Variants in CNBD1 observed in about 807,000 individuals in gnomAD.
CNBD1 encodes the protein cyclic nucleotide binding domain containing 1, also known as cyclic nucleotide-binding domain-containing protein 1.
In CNBD1, 71 loss-of-function variants were observed where a neutral mutation model predicts 54.4. That is an observed-to-expected ratio of 1.30 (90% confidence interval 1.08 to 1.59). CNBD1 has a LOEUF of 1.59. Ranked by LOEUF, CNBD1 falls within the 40% of genes most tolerant of loss-of-function variation. The pLI is 0.00. For missense variants in CNBD1, 659 were observed against 518.0 expected, an observed-to-expected ratio of 1.27 and a Z score of -2.64; for synonymous variants, 182 against 170.7, an observed-to-expected ratio of 1.07 and a Z score of -0.51.
At chr8:87,114,323 G>A (rs1811727630) in intron 4 of CNBD1, among the ~76,000 whole-genome samples, 1 of 152,004 alleles carries the variant, frequency 6.6e-6, no homozygotes, top group South Asian at 2.1e-4. Context: ...CTCTTCTTTT[G>A]TTGTCATTTC....
At chr8:87,194,127 T>A (rs1468474090) in intron 4 of CNBD1, among the ~76,000 whole-genome samples, 3 of 152,194 alleles carry the variant, frequency 2.0e-5, no homozygotes, top group South Asian at 2.1e-4. Context: ...CTTATGAGAA[T>A]CTAATGATTA....
chr8:87,264,199 C>A (rs930043027), intron 6 of CNBD1, among the ~76,000 whole-genome samples: 2 of 151,974 alleles, frequency 1.3e-5, no homozygotes, highest in African/African-American at 4.8e-5. Flanking sequence ...TTCCTGTGTC[C>A]ATGTGTTCTC....
intron 2 of CNBD1, among the ~76,000 whole-genome samples, chr8:87,399,338 G>A (rs1422894937): frequency 6.6e-6 from 1 of 152,024 alleles, no homozygotes; most frequent in African/African-American, 2.4e-5. Flanking sequence ...CAATAGGAAT[G>A]ATTTAGGGTC....
At chr8:87,117,180 C>G (rs370997041) in intron 4 of CNBD1, among the ~76,000 whole-genome samples, 1 of 151,902 alleles carries the variant, frequency 6.6e-6, no homozygotes, top group African/African-American at 2.4e-5. Context: ...GGGTGGATCA[C>G]GAAGTCAGGA....
intron 6 of CNBD1, among the ~76,000 whole-genome samples, chr8:87,243,321 CA>C (rs2130831888): frequency 6.6e-6 from 1 of 152,314 alleles, no homozygotes; most frequent in African/African-American, 2.4e-5. Flanking sequence ...TTGTTTCAAA[CA>C]AGAACATATT....
At chr8:86,977,367 C>T (rs904440178) in intron 4 of CNBD1, among the ~76,000 whole-genome samples, 2 of 152,122 alleles carry the variant, frequency 1.3e-5, no homozygotes, top group Non-Finnish European at 2.9e-5. Flanking sequence ...CCATAAGTCT[C>T]TTTCCTGTTT....
intron 4 of CNBD1, among the ~76,000 whole-genome samples, chr8:86,989,340 G>C (rs148644601): frequency 1.6e-4 from 13 of 81,914 alleles, no homozygotes; most frequent in South Asian, 1.3e-3. Flanking sequence ...TACATACATA[G>C]GTATGCAGAT....
At chr8:86,989,552 G>A (rs1808694267) in intron 4 of CNBD1, among the ~76,000 whole-genome samples, 1 of 152,126 alleles carries the variant, frequency 6.6e-6, no homozygotes, top group Non-Finnish European at 1.5e-5. Flanking sequence ...CCAGGTTCAA[G>A]TGATTCTCCT....
At chr8:87,178,514 G>C (rs1254158478) in intron 4 of CNBD1, among the ~76,000 whole-genome samples, 1 of 152,214 alleles carries the variant, frequency 6.6e-6, no homozygotes, top group African/African-American at 2.4e-5. Context: ...ATGGAAAAGT[G>C]GGAAAGCTTT....
chr8:86,927,182 T>C lies in CNBD1; in HGVS notation c.273-12414T>C, dbSNP rs576098368. Among the ~76,000 whole-genome samples the C allele has an allele frequency of 3.3e-5, 5 of 152,266 alleles. No individual in the cohort carries two copies. In the South Asian group the frequency reaches 1.0e-3, roughly 32 times the overall value. ...TGCCAAGGTAGCTCTGGTGAGCAGCTGGAAAGGGGTGTTGGGAGCAAACTG... is the reference window on the plus strand; with the variant it reads ...TGCCAAGGTAGCTCTGGTGAGCAGCCGGAAAGGGGTGTTGGGAGCAAACTG... On this transcript the variant is annotated intron_variant, in intron 3 of 10. Transcript: ENST00000518476.
At chr8:86,960,300 C>T (rs1020366617) in intron 4 of CNBD1, among the ~76,000 whole-genome samples, 3 of 152,142 alleles carry the variant, frequency 2.0e-5, no homozygotes, top group Middle Eastern at 3.2e-3. Flanking sequence ...CTGCACTTTT[C>T]CAAGAGTCTT....
At chr8:87,172,102 A>G (rs1309725942) in intron 4 of CNBD1, among the ~76,000 whole-genome samples, 3 of 152,010 alleles carry the variant, frequency 2.0e-5, no homozygotes, top group Non-Finnish European at 4.4e-5. Flanking sequence ...ATTCAGGAGC[A>G]TATTGTTTAA....
chr8:87,101,442 A>AATAT (rs201383561), intron 4 of CNBD1, among the ~76,000 whole-genome samples: 2 of 151,004 alleles, frequency 1.3e-5, no homozygotes, highest in East Asian at 1.9e-4. Flanking sequence ...TACAACTATA[A>AATAT]ATATATATAT....
At chr8:87,031,212 A>C (rs927962672) in intron 4 of CNBD1, among the ~76,000 whole-genome samples, 8 of 151,896 alleles carry the variant, frequency 5.3e-5, no homozygotes, top group South Asian at 2.1e-4. Context: ...TCAGTGAATT[A>C]AGGATGGAAA....
intron 4 of CNBD1, among the ~76,000 whole-genome samples, chr8:87,037,405 C>G (rs1809972182): frequency 6.6e-6 from 1 of 152,038 alleles, no homozygotes; most frequent in Non-Finnish European, 1.5e-5. Context: ...ATTATTATTT[C>G]AGTGATAATC....
chr8:87,139,497 T>C (rs552601687), intron 4 of CNBD1, among the ~76,000 whole-genome samples: 1 of 152,254 alleles, frequency 6.6e-6, no homozygotes, highest in South Asian at 2.1e-4. Flanking sequence ...CCCTGTGCCA[T>C]GTGATCAAGG....
intron 4 of CNBD1, among the ~76,000 whole-genome samples, chr8:87,011,062 T>C (rs1809210074): frequency 6.6e-6 from 1 of 152,176 alleles, no homozygotes. Flanking sequence ...GTTGCAATCA[T>C]AGTTGGAGAA....
chr8:87,111,705 C>T (rs1811665922), intron 4 of CNBD1, among the ~76,000 whole-genome samples: 1 of 152,140 alleles, frequency 6.6e-6, no homozygotes, highest in South Asian at 2.1e-4. Context: ...GTAGTACTCT[C>T]GTTCAGTGCT....
chr8:87,121,005 A>G (rs1811878447), intron 4 of CNBD1, among the ~76,000 whole-genome samples: 1 of 151,958 alleles, frequency 6.6e-6, no homozygotes, highest in Non-Finnish European at 1.5e-5. Context: ...AAATGTTGAT[A>G]ATATTTTACT....
Sources: allele counts gnomAD v4.1 joint callset (sites outside exome capture counted in the v4.1 genomes callset), GRCh38; gene constraint gnomAD v4.1.1; transcripts MANE v1.5; gene names NCBI Gene and HGNC (gene_info 2026-07-23, HGNC 2026-07-21).